XIRP2: variants seen among roughly 807,000 people sequenced by gnomAD.
XIRP2 encodes the protein xin actin binding repeat containing 2.
XIRP2 carries 236 observed loss-of-function variants against 277.0 expected under a neutral mutation model. The ratio of observed to expected loss-of-function variants is 0.85; its 90% CI spans 0.77 to 0.95. XIRP2 has a LOEUF of 0.95. XIRP2 is among the 40% of genes least tolerant of loss of function. The pLI, the probability that XIRP2 is intolerant of heterozygous loss-of-function variation, is 0.00. For missense variants in XIRP2, 4,640 were observed against 4,157.5 expected (o/e 1.12, Z -3.19); for synonymous variants, 1,490 against 1,416.5 (o/e 1.05, Z -1.17).
At chr2:167,013,043 T>G (rs1169987098) in intron 2 of XIRP2, among the ~76,000 whole-genome samples, 1 of 151,436 alleles carries the variant, frequency 6.6e-6, no homozygotes, top group Non-Finnish European at 1.5e-5. Flanking sequence ...ACCATCCTCC[T>G]TTTGCATTGA....
At chr2:166,908,391 G>C (rs186126044) in intron 2 of XIRP2, among the ~76,000 whole-genome samples, 3,967 of 152,136 alleles carry the variant, frequency 0.026, 67 homozygotes, top group Non-Finnish European at 0.04. Flanking sequence ...TTTCATGTGT[G>C]TGTTGGCTGC....
At position 167,251,133 on chromosome 2, in the gene XIRP2, T is replaced by A. The variant is rs1695484649; in HGVS notation, c.9741T>A (p.Ala3247=). 6.2e-7 allele frequency: 1 copy of A among 1,613,388 alleles called. No individual in the cohort carries two copies. Among genetic ancestry groups the A allele is most frequent in the Non-Finnish European group, 8.5e-7 (1 of 1,179,756 alleles). ...TITIPVNINH[A]ASGSFRESVD... ...CAATACCAGTAAATATAAATCATGC[T>A]GCTAGTGGTTCCTTCAGAGAATCTG... is the stretch of plus-strand genomic sequence containing the variant. Residue 3247 remains alanine, a synonymous_variant, in exon 9 of 11, where the codon GCT becomes GCA. Coordinates refer to ENST00000409195, the MANE Select transcript of XIRP2 (RefSeq NM_152381.6).
At chr2:166,939,950 TC>T (rs771580654) in intron 2 of XIRP2, among the ~76,000 whole-genome samples, 81 of 152,240 alleles carry the variant, frequency 5.3e-4, no homozygotes, top group Non-Finnish European at 8.1e-4. Flanking sequence ...TTGAGGAGAA[TC>T]TTTGTGGTGT....
intron 2 of XIRP2, among the ~76,000 whole-genome samples, chr2:166,909,163 G>T (rs1684626096): frequency 6.6e-6 from 1 of 152,142 alleles, no homozygotes; most frequent in Non-Finnish European, 1.5e-5. Flanking sequence ...GAAAGTCATT[G>T]GTAGCTTGAT....
chr2:167,016,439 T>G (rs564418233), intron 2 of XIRP2, among the ~76,000 whole-genome samples: 1 of 151,958 alleles, frequency 6.6e-6, no homozygotes, highest in Admixed American at 6.6e-5. Context: ...AAGACATAAC[T>G]CCTCAGGGGC....
At position 167,245,182 on chromosome 2, in the gene XIRP2, G is replaced by T. The variant is rs1212264266; in HGVS notation, c.3790G>T (p.Val1264Leu). The change falls in exon 9 of 11, where the codon GTG becomes TTG. Residue 1264 changes from valine (V) to leucine (L), a missense_variant. Physicochemically the swap from Val to Leu is conservative, Grantham distance 32 (BLOSUM62 1). Coordinates refer to ENST00000409195, the MANE Select transcript of XIRP2 (RefSeq NM_152381.6). ...SQEGDECVKT[V>L]TDIQGGDVRK... is the part of the protein sequence containing the mutation. Reference sequence around the variant, plus strand: ...AGAAGGTGATGAATGTGTTAAGACGGTGACAGACATACAAGGTGGGGATGT... The same window carrying T: ...AGAAGGTGATGAATGTGTTAAGACGTTGACAGACATACAAGGTGGGGATGT... 4.3e-6 allele frequency: 7 copies of T among 1,613,264 alleles called. No individual in the cohort carries two copies. Among genetic ancestry groups the T allele is most frequent in the Non-Finnish European group, 5.9e-6 (7 of 1,179,648 alleles).
intron 3 of XIRP2, among the ~76,000 whole-genome samples, chr2:167,142,012 T>C (rs540541769): frequency 1.3e-5 from 2 of 152,338 alleles, no homozygotes; most frequent in East Asian, 1.9e-4. Context: ...CACTTGAAGA[T>C]AGAGGAAACA....
intron 2 of XIRP2, among the ~76,000 whole-genome samples, chr2:166,951,713 T>A (rs1686037552): frequency 6.6e-6 from 1 of 152,082 alleles, no homozygotes; most frequent in South Asian, 2.1e-4. Flanking sequence ...GAGGTCAAAG[T>A]ATGTCATATG....
chr2:166,920,217 T>C (rs1050044055), intron 2 of XIRP2, among the ~76,000 whole-genome samples: 6 of 152,138 alleles, frequency 3.9e-5, no homozygotes, highest in Admixed American at 1.3e-4. Flanking sequence ...ACAATCATCA[T>C]AGAAGGCAAG....
rs1303128044 is a variant in XIRP2 at position 167,116,749 on chromosome 2, G to C, written c.409-19160G>C. Reference sequence around the variant, plus strand: ...TAAATTATGTAATTACATTTAAAAAGATAAGTGACATATATAGTTTAGAAA... The same window carrying C: ...TAAATTATGTAATTACATTTAAAAACATAAGTGACATATATAGTTTAGAAA... On this transcript the variant is annotated intron_variant, in intron 2 of 10. Coordinates refer to ENST00000409195, the MANE Select transcript of XIRP2 (RefSeq NM_152381.6). 4.6e-5 allele frequency among the ~76,000 whole-genome samples: 7 copies of C among 152,226 alleles called. No homozygotes were observed. The East Asian group carries it at 1.4e-3, about 29-fold the overall frequency.
At chr2:167,102,201 T>C (rs964676559) in intron 2 of XIRP2, among the ~76,000 whole-genome samples, 3 of 152,086 alleles carry the variant, frequency 2.0e-5, no homozygotes, top group African/African-American at 7.2e-5. Context: ...GGGAACAAAC[T>C]AGAGATTGTA....
chr2:167,017,410 T>C (rs1357888300), intron 2 of XIRP2, among the ~76,000 whole-genome samples: 2 of 151,976 alleles, frequency 1.3e-5, no homozygotes, highest in Non-Finnish European at 2.9e-5. Flanking sequence ...GTCAACACTG[T>C]GTAACAAAAA....
chr2:167,173,293 A>G (rs202126537), intron 3 of XIRP2, among the ~76,000 whole-genome samples: 3 of 136,526 alleles, frequency 2.2e-5, no homozygotes, highest in African/African-American at 9.3e-5. Flanking sequence ...TATGCTTCTC[A>G]GCCTCTGATA....
Position 167,246,506 on chromosome 2 carries a change from G to A in XIRP2, c.5114G>A (p.Arg1705His), listed in dbSNP as rs117183838. The part of the protein sequence containing the change: ...LHENDGDTIE[R>H]EEVIGGDVKR... ...GAAAATGATGGTGACACAATTGAGC[G>A]TGAAGAAGTAATAGGTGGTGATGTC... The change falls in exon 9 of 11, where the codon CGT (arginine) becomes CAT (histidine). Residue 1705 changes from arginine to histidine, a missense_variant. Transcript: ENST00000409195. The A allele has an allele frequency of 1.7e-3, 2,778 of 1,613,616 alleles. 45 individuals are homozygous for A. The East Asian group carries it at 0.034, about 20-fold the overall frequency.
At chr2:167,213,660 A>G (rs1694126580) in intron 4 of XIRP2, among the ~76,000 whole-genome samples, 1 of 152,314 alleles carries the variant, frequency 6.6e-6, no homozygotes, top group African/African-American at 2.4e-5. Flanking sequence ...TAGTTGGGAT[A>G]TTTAGAGCAT....
chr2:166,962,204 A>C (rs1686317455), intron 2 of XIRP2, among the ~76,000 whole-genome samples: 1 of 151,754 alleles, frequency 6.6e-6, no homozygotes, highest in Admixed American at 6.6e-5. Flanking sequence ...TCCAAAGGTC[A>C]TCTAAACAGT....
At chr2:167,176,983 T>C (rs1346206601) in intron 3 of XIRP2, among the ~76,000 whole-genome samples, 2 of 152,198 alleles carry the variant, frequency 1.3e-5, no homozygotes, top group African/African-American at 4.8e-5. Flanking sequence ...CCAAGCTGAT[T>C]GTGAGGTTTC....
At chr2:167,150,067 A>G (rs1285680489) in intron 3 of XIRP2, among the ~76,000 whole-genome samples, 1 of 152,060 alleles carries the variant, frequency 6.6e-6, no homozygotes, top group East Asian at 1.9e-4. Context: ...CAATATACTC[A>G]TGTAACAAAA....
chr2:167,106,492 C>T lies in XIRP2; in HGVS notation c.409-29417C>T, dbSNP rs112098248. 2.6e-3 allele frequency among the ~76,000 whole-genome samples: 391 copies of T among 151,522 alleles called. 3 individuals are homozygous for T. The highest frequency in any genetic ancestry group is 3.5e-3 in the Non-Finnish European group (240 of 67,620). On this transcript the variant is annotated intron_variant, in intron 2 of 10. Coordinates refer to ENST00000409195, the MANE Select transcript of XIRP2 (RefSeq NM_152381.6). Reference sequence around the variant, plus strand: ...AATCAGTTAGGCATATTTATGTGACCTTTTTCCGGGTTCTATATACATATA... The same window carrying T: ...AATCAGTTAGGCATATTTATGTGACTTTTTTCCGGGTTCTATATACATATA...
Sources: gnomAD v4.1 joint callset for allele counts (sites outside exome capture counted in the v4.1 genomes callset) on GRCh38, gnomAD v4.1.1 for gene constraint, MANE v1.5 for transcripts, NCBI Gene and HGNC (gene_info 2026-07-23, HGNC 2026-07-21) for gene names.